The following HPSE variants were observed in gnomAD, a reference collection of about 807,000 sequenced individuals.
HPSE encodes heparanase.
HPSE carries 48 observed loss-of-function variants against 65.1 expected under a neutral mutation model. The observed-to-expected ratio is 0.74, with a 90% CI of 0.58 to 0.94. The LOEUF (loss-of-function observed/expected upper bound fraction) is 0.94. Among genes scored for constraint, HPSE ranks in the 40% least tolerant of loss-of-function variants. The pLI is 0.00. For missense variants in HPSE, 644 were observed against 637.5 expected, an observed-to-expected ratio of 1.01 and a Z score of -0.11; for synonymous variants, 243 against 260.0, an observed-to-expected ratio of 0.93 and a Z score of 0.63.
At chr4:83,313,322 TG>T (rs749801443) in intron 3 of HPSE, 35 bp from the exon 4 acceptor site, 4 of 1,507,402 alleles carry the variant, frequency 2.7e-6, no homozygotes, top group Non-Finnish European at 3.6e-6. Context: ...ATGGTTAGAT[TG>T]GCACCACAAT....
chr4:83,322,805 G>T (rs900421843), intron 1 of HPSE, among the ~76,000 whole-genome samples: 4 of 145,790 alleles, frequency 2.7e-5, no homozygotes, highest in African/African-American at 1.0e-4. Flanking sequence ...GTGTGTGTGT[G>T]TGTGTGTGTG....
At chr4:83,332,830 G>A (rs1343966842) in intron 1 of HPSE, among the ~76,000 whole-genome samples, 6 of 152,156 alleles carry the variant, frequency 3.9e-5, no homozygotes, top group African/African-American at 1.4e-4. Context: ...GGGAGAGGTT[G>A]GGGAATATGC....
rs538781116 is a variant in HPSE, at chr4:83,314,351, C to A, written c.500-1064G>T. Reference sequence around the variant, plus strand: ...TTATTTATCTGAAATTCAACTCTAACCAGGCAGTGCTATTTACAGAGGCAC... The same window carrying A: ...TTATTTATCTGAAATTCAACTCTAAACAGGCAGTGCTATTTACAGAGGCAC... On this transcript the variant is annotated intron_variant, in intron 3 of 11. Transcript: ENST00000311412. 2.0e-5 allele frequency among the ~76,000 whole-genome samples: 3 copies of A among 151,652 alleles called. No homozygotes were observed. In the South Asian group the frequency reaches 6.3e-4, roughly 32 times the overall value.
At chr4:83,319,507 A>G in intron 2 of HPSE, 38 bp from the exon 3 acceptor site, 1 of 1,595,944 alleles carries the variant, frequency 6.3e-7, no homozygotes. Flanking sequence ...GTCTGTTTTC[A>G]CAGTGAGCAG....
intron 3 of HPSE, among the ~76,000 whole-genome samples, chr4:83,316,957 G>A (rs919145331): frequency 6.6e-5 from 10 of 152,138 alleles, no homozygotes; most frequent in African/African-American, 1.2e-4. Context: ...CTAGCGTGCG[G>A]TGGCGCAATC....
chr4:83,334,109 T>C (rs1174358901), intron 1 of HPSE, among the ~76,000 whole-genome samples: 1 of 152,052 alleles, frequency 6.6e-6, no homozygotes, highest in Admixed American at 6.6e-5. Flanking sequence ...ACAGAATGAA[T>C]GAAACAAAAA....
intron 1 of HPSE, among the ~76,000 whole-genome samples, chr4:83,324,915 A>G (rs1304309866): frequency 6.6e-6 from 1 of 152,186 alleles, no homozygotes; most frequent in African/African-American, 2.4e-5. Flanking sequence ...GCAAGATTTT[A>G]TGTTTTGCGC....
intron 10 of HPSE, 66 bp from the exon 11 acceptor site, chr4:83,301,172 C>T (rs979779693): frequency 2.9e-6 from 3 of 1,020,028 alleles, no homozygotes; most frequent in Non-Finnish European, 4.3e-6. Context: ...AACTCAATTA[C>T]AAATGTGATC....
chr4:83,314,724 C>A (rs1324225528), intron 3 of HPSE, among the ~76,000 whole-genome samples: 1 of 152,068 alleles, frequency 6.6e-6, no homozygotes, highest in African/African-American at 2.4e-5. Flanking sequence ...GTAATTCATT[C>A]CTGAACTCTT....
In HPSE at chr4:83,295,042, G is replaced by A. The variant is rs1430508582; in HGVS notation, c.*302C>T. ...GGCACTCCAGCCTGGGTGACAGAGAGAGATTCTGTCTCAAAATAAATAAAT... is the reference window on the plus strand; with the variant it reads ...GGCACTCCAGCCTGGGTGACAGAGAAAGATTCTGTCTCAAAATAAATAAAT... On this transcript the variant is annotated 3_prime_UTR_variant, in exon 12 of 12. Coordinates refer to ENST00000311412, the MANE Select transcript of HPSE (RefSeq NM_001098540.3). The A allele has an allele frequency of 6.4e-6, 1 of 156,614 alleles. No homozygotes were observed. Among genetic ancestry groups the A allele is most frequent in the Non-Finnish European group, 1.4e-5 (1 of 71,004 alleles). The allele number at this position is 156,614 out of a possible 1,614,324, so 9.7% of individuals were successfully genotyped here. A position where few individuals can be genotyped will look rare whatever the true frequency, so the allele number is the denominator to read the frequency against.
chr4:83,304,787 T>G (rs1736091115), intron 9 of HPSE, among the ~76,000 whole-genome samples: 1 of 152,182 alleles, frequency 6.6e-6, no homozygotes, highest in Non-Finnish European at 1.5e-5. Context: ...TAAATTCCAC[T>G]TTTTCACTGG....
At chr4:83,319,247 T>C (rs1274682311) in intron 3 of HPSE, 97 bp downstream of exon 3, 3 of 1,246,768 alleles carry the variant, frequency 2.4e-6, no homozygotes, top group African/African-American at 1.5e-5. Context: ...TTCAGCTTTA[T>C]ACAACTTCCG....
chr4:83,319,184 C>A (rs1736773879), intron 3 of HPSE, 160 bp downstream of exon 3: 4 of 716,134 alleles, frequency 5.6e-6, no homozygotes, highest in East Asian at 2.7e-5. Context: ...AAAAAAAAAC[C>A]AAAAAGCAAG....
At position 83,322,374 on chromosome 4, in the gene HPSE, A is replaced by C. The variant is rs964361035; in HGVS notation, c.228-10T>G. Reference sequence around the variant, plus strand: ...ACGAAGCTTTGGAGAACTGTTAGGAAGACAAGCAAGAAAGTATAACTATTT... The same window carrying C: ...ACGAAGCTTTGGAGAACTGTTAGGACGACAAGCAAGAAAGTATAACTATTT... On this transcript the variant is annotated splice_polypyrimidine_tract_variant and intron_variant, in intron 1 of 11. Coordinates refer to ENST00000311412, the MANE Select transcript of HPSE (RefSeq NM_001098540.3). 1.2e-5 allele frequency: 19 copies of C among 1,595,490 alleles called. No individual in the cohort carries two copies. The highest frequency in any genetic ancestry group is 1.8e-5 in the Admixed American group (1 of 55,178).
At chr4:83,322,084 C>T (rs959917164) in intron 2 of HPSE, 135 bp downstream of exon 2, 1 of 474,624 alleles carries the variant, frequency 2.1e-6, no homozygotes, top group Non-Finnish European at 3.3e-6. Flanking sequence ...GTTCAGATTC[C>T]TCCACAGGTC....
At chr4:83,333,197 C>T (rs540525753) in intron 1 of HPSE, among the ~76,000 whole-genome samples, 4 of 152,314 alleles carry the variant, frequency 2.6e-5, no homozygotes, top group East Asian at 3.9e-4. Flanking sequence ...AGAAACAATT[C>T]GTTTGAAACG....
upstream of HPSE, chr4:83,335,060 A>T: frequency 2.4e-6 from 1 of 425,194 alleles, no homozygotes; most frequent in South Asian, 4.4e-5. Flanking sequence ...AATCACCCAC[A>T]CCCACTTGAA....
At chr4:83,309,054 C>T in intron 7 of HPSE, 103 bp from the exon 8 acceptor site, 1 of 795,714 alleles carries the variant, frequency 1.3e-6, no homozygotes, top group African/African-American at 1.7e-5. Flanking sequence ...TATTCCTAGA[C>T]CCACCCCTCC....
At chr4:83,325,244 C>A (rs769773859) in intron 1 of HPSE, among the ~76,000 whole-genome samples, 6 of 150,752 alleles carry the variant, frequency 4.0e-5, no homozygotes, top group Non-Finnish European at 8.9e-5. Flanking sequence ...CGGCTCACTG[C>A]CACCTCTGCC....
Sources: allele counts gnomAD v4.1 joint callset (sites outside exome capture counted in the v4.1 genomes callset), GRCh38; gene constraint gnomAD v4.1.1; transcripts MANE v1.5; gene names NCBI Gene and HGNC (gene_info 2026-07-23, HGNC 2026-07-21).